UGGT2: variants seen among roughly 807,000 people sequenced by gnomAD.
The protein encoded by UGGT2 is UDP-glucose glycoprotein glucosyltransferase 2.
In UGGT2, 180 loss-of-function variants were observed where a neutral mutation model predicts 192.1. The observed-to-expected ratio is 0.94, with a 90% CI of 0.83 to 1.06. The LOEUF (loss-of-function observed/expected upper bound fraction) is 1.06, where lower values mean the gene tolerates loss of function less well. Among genes scored for constraint, UGGT2 ranks in the 50% least tolerant of loss-of-function variants. The pLI is 0.00. For missense variants in UGGT2, 1,849 were observed against 1,795.7 expected, an observed-to-expected ratio of 1.03 and a Z score of -0.54; for synonymous variants, 580 against 591.0, an observed-to-expected ratio of 0.98 and a Z score of 0.27.
intron 12 of UGGT2, among the ~76,000 whole-genome samples, chr13:95,961,904 T>C (rs2050405207): frequency 6.6e-6 from 1 of 151,920 alleles, no homozygotes; most frequent in African/African-American, 2.4e-5. Context: ...CACACCACAA[T>C]GGAATAAAAC....
intron 36 of UGGT2, among the ~76,000 whole-genome samples, chr13:95,850,291 G>A (rs1323915633): frequency 6.6e-6 from 1 of 152,168 alleles, no homozygotes; most frequent in African/African-American, 2.4e-5. Context: ...CATAAGAAGT[G>A]GTGAATGGCT....
intron 12 of UGGT2, among the ~76,000 whole-genome samples, chr13:95,954,135 C>T (rs1243036235): frequency 2.0e-5 from 3 of 152,126 alleles, no homozygotes; most frequent in African/African-American, 7.2e-5. Context: ...GTTTCATACA[C>T]ACAATTTAAA....
chr13:96,031,629 T>C (rs985357638), intron 2 of UGGT2, among the ~76,000 whole-genome samples: 2 of 152,194 alleles, frequency 1.3e-5, no homozygotes, highest in South Asian at 2.1e-4. Flanking sequence ...GGTAACAATT[T>C]TGATTTCTTC....
At chr13:96,007,999 C>T (rs2052034340) in intron 5 of UGGT2, among the ~76,000 whole-genome samples, 1 of 152,162 alleles carries the variant, frequency 6.6e-6, no homozygotes, top group Non-Finnish European at 1.5e-5. Flanking sequence ...ATGAAACTAA[C>T]TAGACCACTA....
intron 24 of UGGT2, 70 bp from the exon 25 acceptor site, chr13:95,891,034 C>T (rs2047786858): frequency 3.8e-6 from 4 of 1,055,660 alleles, no homozygotes; most frequent in Non-Finnish European, 5.4e-6. Flanking sequence ...ATGATCTTAG[C>T]TATATAATTC....
chr13:95,840,029 C>A (rs1049966390), intron 36 of UGGT2, among the ~76,000 whole-genome samples: 1 of 151,922 alleles, frequency 6.6e-6, no homozygotes, highest in African/African-American at 2.4e-5. Flanking sequence ...TTAAAATCTC[C>A]AAATAAACAC....
At chr13:95,929,062 C>T (rs1048169725) in intron 17 of UGGT2, among the ~76,000 whole-genome samples, 11 of 152,056 alleles carry the variant, frequency 7.2e-5, no homozygotes, top group African/African-American at 1.2e-4. Flanking sequence ...GGCGTGGCGG[C>T]GCGCGCCTGC....
At chr13:95,835,118 G>A (rs952328766) in intron 37 of UGGT2, among the ~76,000 whole-genome samples, 1 of 152,138 alleles carries the variant, frequency 6.6e-6, no homozygotes, top group African/African-American at 2.4e-5. Flanking sequence ...AAAATCTGGT[G>A]TGTACTTTAT....
At chr13:95,830,221 C>A (rs954294850) in intron 38 of UGGT2, among the ~76,000 whole-genome samples, 51 of 152,134 alleles carry the variant, frequency 3.4e-4, no homozygotes, top group Non-Finnish European at 6.5e-4. Flanking sequence ...CAGGCATGGG[C>A]AAGGACTTCA....
intron 20 of UGGT2, among the ~76,000 whole-genome samples, chr13:95,903,685 A>G (rs1342015145): frequency 2.0e-5 from 3 of 152,206 alleles, no homozygotes; most frequent in African/African-American, 7.2e-5. Flanking sequence ...GAATTCCATC[A>G]TATGAATATA....
At chr13:96,015,515 A>G (rs531136793) in intron 4 of UGGT2, among the ~76,000 whole-genome samples, 18 of 152,292 alleles carry the variant, frequency 1.2e-4, no homozygotes, top group African/African-American at 4.3e-4. Context: ...CTGCTTGGAT[A>G]TATCATAGGT....
At chr13:95,963,410 T>G (rs2050465886) in intron 12 of UGGT2, among the ~76,000 whole-genome samples, 1 of 151,984 alleles carries the variant, frequency 6.6e-6, no homozygotes, top group South Asian at 2.1e-4. Flanking sequence ...TAGCATAATA[T>G]AAAGGCCAGA....
chr13:95,900,873 G>A lies in UGGT2; in HGVS notation c.2568C>T (p.His856=), dbSNP rs1326322699. Residue 856 remains histidine (H), a synonymous_variant, in exon 22 of 39, where the codon CAC becomes CAT. Transcript: ENST00000376747. The part of the protein sequence containing the change: ...NTVGVNIFRT[H]QLFCQDVLKL... ...TAAGTACATCTTGACAGAACAACTGGTGAGTTCGAAAAATATTCACTCCAA... is the reference window on the plus strand; with the variant it reads ...TAAGTACATCTTGACAGAACAACTGATGAGTTCGAAAAATATTCACTCCAA... The A allele has an allele frequency of 1.2e-6, 2 of 1,611,194 alleles. No individual in the cohort carries two copies. Among genetic ancestry groups the A allele is most frequent in the Non-Finnish European group, 1.7e-6 (2 of 1,178,912 alleles).
intron 38 of UGGT2, among the ~76,000 whole-genome samples, chr13:95,828,704 G>A (rs1886316004): frequency 6.6e-6 from 1 of 152,098 alleles, no homozygotes; most frequent in Non-Finnish European, 1.5e-5. Context: ...AAAACTCCAG[G>A]ACCAGACGGA....
chr13:96,027,719 A>G (rs1357328806), intron 2 of UGGT2, among the ~76,000 whole-genome samples: 2 of 152,232 alleles, frequency 1.3e-5, no homozygotes, highest in East Asian at 1.9e-4. Flanking sequence ...ACAATTTGAC[A>G]AGAAACTCAG....
chr13:95,806,818 C>T (rs769767731), intron 38 of UGGT2, among the ~76,000 whole-genome samples: 17 of 151,998 alleles, frequency 1.1e-4, no homozygotes, highest in Non-Finnish European at 1.8e-4. Flanking sequence ...TGTTCTGGGA[C>T]AACTAGATAG....
At chr13:95,934,820 T>C (rs1352840478) in intron 17 of UGGT2, among the ~76,000 whole-genome samples, 8 of 152,184 alleles carry the variant, frequency 5.3e-5, no homozygotes, top group African/African-American at 1.9e-4. Context: ...AAATTCTTTT[T>C]TATTTTTGTC....
intron 2 of UGGT2, among the ~76,000 whole-genome samples, chr13:96,026,906 C>A (rs1220593435): frequency 7.2e-5 from 11 of 152,004 alleles, no homozygotes; most frequent in Non-Finnish European, 1.3e-4. Flanking sequence ...CTCCTGACCT[C>A]ATGATCCACC....
At chr13:95,842,872 G>T (rs1035521505) in intron 36 of UGGT2, among the ~76,000 whole-genome samples, 2 of 152,224 alleles carry the variant, frequency 1.3e-5, no homozygotes, top group African/African-American at 4.8e-5. Context: ...TTAGACGGCA[G>T]TCCCCGGGCT....
Sources: gnomAD v4.1 joint callset for allele counts (sites outside exome capture counted in the v4.1 genomes callset) on GRCh38, gnomAD v4.1.1 for gene constraint, MANE v1.5 for transcripts, NCBI Gene and HGNC (gene_info 2026-07-23, HGNC 2026-07-21) for gene names.